The following STN1 variants were observed in gnomAD, a reference collection of about 807,000 sequenced individuals.
STN1 encodes the protein STN1 subunit of CST complex.
In STN1, 29 loss-of-function variants were observed where a neutral mutation model predicts 45.5. That is an observed-to-expected ratio of 0.64 (90% CI 0.47 to 0.87). The LOEUF (loss-of-function observed/expected upper bound fraction) is 0.87, where lower values mean the gene tolerates loss of function less well. Among genes scored for constraint, STN1 ranks in the 40% least tolerant of loss-of-function variants. The pLI is 0.00. For synonymous variants in STN1, 148 were observed against 159.0 expected (o/e 0.93, Z 0.52); for missense variants, 376 against 441.4 (o/e 0.85, Z 1.33).
chr10:103,883,739 T>G (rs1434276740), intron 9 of STN1, among the ~76,000 whole-genome samples: 3 of 152,136 alleles, frequency 2.0e-5, no homozygotes, highest in African/African-American at 7.2e-5. Context: ...CCAATGAGAA[T>G]TCCTGACAAA....
chr10:103,910,255 C>T (rs890779463), intron 3 of STN1, among the ~76,000 whole-genome samples: 2 of 152,146 alleles, frequency 1.3e-5, no homozygotes, highest in African/African-American at 4.8e-5. Context: ...GCCCGTCCAT[C>T]GATGCTCATA....
In STN1 at chr10:103,900,050, T is replaced by C. The variant is rs1272974134; in HGVS notation, c.457+12A>G. On this transcript the variant is annotated intron_variant, in intron 5 of 9. Coordinates refer to ENST00000224950, the MANE Select transcript of STN1 (RefSeq NM_024928.5). ...AAAAACCACCAATTTGGTAGAAATA[T>C]CTTGTGCTTACAGTAAGTGGTGGCA... The C allele has an allele frequency of 2.2e-5, 36 of 1,612,466 alleles. No individual in the cohort carries two copies. Among genetic ancestry groups the C allele is most frequent in the Non-Finnish European group, 2.8e-5 (33 of 1,179,022 alleles).
At chr10:103,893,385 G>C (rs1589497907) in intron 7 of STN1, among the ~76,000 whole-genome samples, 1 of 152,110 alleles carries the variant, frequency 6.6e-6, no homozygotes, top group Non-Finnish European at 1.5e-5. Context: ...AGCCAGGATG[G>C]TCTCGATCTC....
chr10:103,883,798 T>A (rs1843086514), intron 9 of STN1, among the ~76,000 whole-genome samples: 2 of 152,096 alleles, frequency 1.3e-5, no homozygotes, highest in Admixed American at 6.5e-5. Context: ...CTTTTAAAAA[T>A]CCACTTATGG....
intron 5 of STN1, 88 bp downstream of exon 5, chr10:103,899,974 T>C: frequency 7.7e-7 from 1 of 1,305,184 alleles, no homozygotes; most frequent in Non-Finnish European, 1.1e-6. Flanking sequence ...ACTGAACTTT[T>C]TGAAAGTTTG....
At chr10:103,884,210 C>G (rs1321268633) in intron 9 of STN1, among the ~76,000 whole-genome samples, 2 of 150,836 alleles carry the variant, frequency 1.3e-5, no homozygotes, top group Non-Finnish European at 3.0e-5. Flanking sequence ...CCCAAATCAA[C>G]TCTCTGCTTG....
At chr10:103,899,146 C>G (rs2134365996) in intron 5 of STN1, 146 bp from the exon 6 acceptor site, 2 of 761,356 alleles carry the variant, frequency 2.6e-6, no homozygotes, top group African/African-American at 1.7e-5. Flanking sequence ...GGATCACAGT[C>G]TAGATGCACT....
chr10:103,894,692 A>C (rs1199578242), intron 7 of STN1, among the ~76,000 whole-genome samples: 1 of 75,560 alleles, frequency 1.3e-5, no homozygotes, highest in Non-Finnish European at 3.0e-5. Context: ...GCTCACAGGC[A>C]AAAAAAAAAA....
chr10:103,891,999 G>A (rs1843142646), intron 8 of STN1, 131 bp downstream of exon 8: 4 of 752,988 alleles, frequency 5.3e-6, no homozygotes, highest in Admixed American at 3.4e-5. Flanking sequence ...AAGGATAAGG[G>A]CCAACTTTCA....
At chr10:103,909,365 AATATATATATATATGTAT>A in intron 3 of STN1, among the ~76,000 whole-genome samples, 1 of 73,878 alleles carries the variant, frequency 1.4e-5, no homozygotes, top group African/African-American at 4.7e-5. Flanking sequence ...AAAAAAAAAA[AATATATATATATATGTAT>A]ATATATGTAT....
intron 3 of STN1, 51 bp from the exon 4 acceptor site, chr10:103,905,207 A>G (rs754890011): frequency 1.4e-6 from 2 of 1,478,938 alleles, no homozygotes; most frequent in South Asian, 2.3e-5. Flanking sequence ...AAGGCTGGTG[A>G]ATTAGCATGC....
chr10:103,917,793 T>C (rs1347671597), intron 1 of STN1, 137 bp from the exon 2 acceptor site: 1 of 540,430 alleles, frequency 1.9e-6, no homozygotes, highest in Non-Finnish European at 3.3e-6. Flanking sequence ...TCAAACTCCA[T>C]GCCACGGGGC....
rs781174874 is a variant in STN1, at chr10:103,897,589, G to A, written c.712C>T (p.Leu238Phe). 1.9e-6 allele frequency: 3 copies of A among 1,614,016 alleles called. No homozygotes were observed. The highest frequency in any genetic ancestry group is 1.1e-5 in the South Asian group (1 of 91,084). Residue 238 changes from leucine (L) to phenylalanine (F), a missense_variant, in exon 7 of 10, where the codon CTT becomes TTT. By Grantham distance (22) the Leu-to-Phe change is conservative (BLOSUM62 0). Coordinates refer to ENST00000224950, the MANE Select transcript of STN1 (RefSeq NM_024928.5). ...ELEMVESLLS[L>F]ANQPVIHSAS... Reference sequence around the variant, plus strand: ...CTGTGAATCACAGGCTGATTGGCAAGGGACAGCAAAGACTCCACCATTTCC... The same window carrying A: ...CTGTGAATCACAGGCTGATTGGCAAAGGACAGCAAAGACTCCACCATTTCC...
chr10:103,887,212 A>G lies in STN1; in HGVS notation c.949+1860T>C, dbSNP rs529736883. ...CTAATGAAAAGACGTAGGCACTTTCATGTGTACTGTTGACCTCTAGAAGGC... is the reference window on the plus strand; with the variant it reads ...CTAATGAAAAGACGTAGGCACTTTCGTGTGTACTGTTGACCTCTAGAAGGC... On this transcript the variant is annotated intron_variant, in intron 9 of 9. Transcript: ENST00000224950. Among the ~76,000 whole-genome samples, 17 of 152,352 alleles carry G rather than the reference A, an allele frequency of 1.1e-4. 1 individual carries two copies. In the East Asian group the frequency reaches 3.3e-3, roughly 29 times the overall value.
intron 4 of STN1, among the ~76,000 whole-genome samples, chr10:103,901,977 C>G (rs140939195): frequency 6.6e-6 from 1 of 152,260 alleles, no homozygotes; most frequent in East Asian, 1.9e-4. Flanking sequence ...TCTTATTTTG[C>G]TTTTAAATTG....
intron 4 of STN1, among the ~76,000 whole-genome samples, chr10:103,904,338 G>A (rs958698903): frequency 4.6e-5 from 7 of 151,800 alleles, no homozygotes; most frequent in Non-Finnish European, 5.9e-5. Flanking sequence ...AAATTAGGCC[G>A]GGTGTGGTGG....
In STN1 at chr10:103,917,455, C is replaced by T; in HGVS notation, c.133+7G>A. 1 of 1,612,552 alleles carries T rather than the reference C, an allele frequency of 6.2e-7. No homozygotes were observed. The highest frequency in any genetic ancestry group is 8.5e-7 in the Non-Finnish European group (1 of 1,179,232). On this transcript the variant is annotated splice_region_variant and intron_variant, in intron 2 of 9. Coordinates refer to ENST00000224950, the MANE Select transcript of STN1 (RefSeq NM_024928.5). ...CCCAGGGCATCCCAGGGTGGCTAGCCACATACCTGGCACCTGGCGGGACTC... is the reference window on the plus strand; with the variant it reads ...CCCAGGGCATCCCAGGGTGGCTAGCTACATACCTGGCACCTGGCGGGACTC...
intron 3 of STN1, 45 bp downstream of exon 3, chr10:103,910,482 G>T: frequency 7.6e-7 from 1 of 1,321,046 alleles, no homozygotes; most frequent in Non-Finnish European, 1.1e-6. Flanking sequence ...GCCCAGAAGG[G>T]TCAGCCTTCT....
rs750499540 is a variant in STN1 at position 103,900,187 on chromosome 10, G to A, written c.332C>T (p.Ser111Leu). The A allele has an allele frequency of 1.9e-6, 3 of 1,614,024 alleles. No homozygotes were observed. In the East Asian group the frequency reaches 6.7e-5, roughly 36 times the overall value. The change falls in exon 5 of 10, where the codon TCA (serine) becomes TTA (leucine). Residue 111 changes from serine to leucine, a missense_variant. Transcript: ENST00000224950. ...GGTCTCTTGTAGCTTCTTAAGTTGT[G>A]AGGTTAAGCTGAGCTCTCTTGCTGC... Reference protein sequence around the residue: ...PSAARELSLTSQLKKLQETIE... With the variant: ...PSAARELSLTLQLKKLQETIE...
Sources: allele counts gnomAD v4.1 joint callset (sites outside exome capture counted in the v4.1 genomes callset), GRCh38; gene constraint gnomAD v4.1.1; transcripts MANE v1.5; gene names NCBI Gene and HGNC (gene_info 2026-07-23, HGNC 2026-07-21).